ZNF385D: variants seen among roughly 807,000 people sequenced by gnomAD.
ZNF385D encodes zinc finger protein 659.
A neutral mutation model predicts 35.8 loss-of-function variants in ZNF385D; 15 were observed. The observed-to-expected ratio is 0.42, with a 90% confidence interval of 0.28 to 0.64. The LOEUF is 0.64. ZNF385D is among the 30% of genes least tolerant of loss of function. ZNF385D has a pLI of 0.23. For missense variants in ZNF385D, 474 were observed against 494.6 expected, an observed-to-expected ratio of 0.96 and a Z score of 0.39; for synonymous variants, 212 against 186.8, an observed-to-expected ratio of 1.13 and a Z score of -1.10.
chr3:21,948,935 C>T (rs1330519731), intron 3 of ZNF385D, among the ~76,000 whole-genome samples: 4 of 152,128 alleles, frequency 2.6e-5, no homozygotes, highest in African/African-American at 9.7e-5. Flanking sequence ...TTACCAATTA[C>T]ATTGACAAAT....
rs185972845 is a variant in ZNF385D, at chr3:21,881,917, A to C, written c.326-216889T>G. On this transcript the variant is annotated intron_variant, in intron 3 of 5. Coordinates refer to the ZNF385D transcript ENST00000494108. The stretch of plus-strand genomic sequence containing the variant: ...GCATATGTGATGGAAATAGTAAGAG[A>C]ACTAGAATTAGAAGTGGAGCCTAAA... Among the ~76,000 whole-genome samples, 5 of 152,160 alleles carry C rather than the reference A, an allele frequency of 3.3e-5. No individual in the cohort carries two copies. In the East Asian group the frequency reaches 9.7e-4, roughly 29 times the overall value.
chr3:22,179,216 A>G (rs1429941667), intron 2 of ZNF385D, among the ~76,000 whole-genome samples: 1 of 152,216 alleles, frequency 6.6e-6, no homozygotes. Context: ...CCTACCCATG[A>G]GCATGGAATG....
intron 3 of ZNF385D, among the ~76,000 whole-genome samples, chr3:21,994,482 C>G (rs1004974628): frequency 6.6e-6 from 1 of 151,966 alleles, no homozygotes; most frequent in Admixed American, 6.6e-5. Flanking sequence ...TCTATTGTAT[C>G]TCACTGAGCT....
chr3:22,351,979 A>C (rs980351068), intron 2 of ZNF385D, among the ~76,000 whole-genome samples: 11 of 152,100 alleles, frequency 7.2e-5, no homozygotes, highest in African/African-American at 2.7e-4. Flanking sequence ...CTTTTGTATC[A>C]TTACCTCATA....
chr3:22,264,160 T>C (rs1005811459), intron 2 of ZNF385D, among the ~76,000 whole-genome samples: 4 of 152,018 alleles, frequency 2.6e-5, no homozygotes, highest in Non-Finnish European at 4.4e-5. Flanking sequence ...GAGGCATATA[T>C]AAGATCAATT....
intron 3 of ZNF385D, among the ~76,000 whole-genome samples, chr3:21,820,435 C>A (rs952885765): frequency 6.6e-6 from 1 of 151,424 alleles, no homozygotes; most frequent in African/African-American, 2.4e-5. Context: ...TACTTCATAG[C>A]AATAGTTAAG....
intron 1 of ZNF385D, among the ~76,000 whole-genome samples, chr3:21,671,858 G>C (rs1015533792): frequency 6.6e-6 from 1 of 152,048 alleles, no homozygotes; most frequent in Non-Finnish European, 1.5e-5. Flanking sequence ...CCCCAGCATG[G>C]GAACATGCTG....
At chr3:21,898,624 G>C (rs767506521) in intron 3 of ZNF385D, among the ~76,000 whole-genome samples, 1 of 152,148 alleles carries the variant, frequency 6.6e-6, no homozygotes, top group Non-Finnish European at 1.5e-5. Context: ...GAATGTGTCA[G>C]TTAGGAAGCA....
intron 2 of ZNF385D, among the ~76,000 whole-genome samples, chr3:21,578,057 C>A (rs1303227469): frequency 6.6e-6 from 1 of 152,044 alleles, no homozygotes; most frequent in Non-Finnish European, 1.5e-5. Flanking sequence ...TCAAGTGATG[C>A]TCCTGGTCCC....
chr3:22,208,839 G>A (rs1033552013), intron 2 of ZNF385D, among the ~76,000 whole-genome samples: 4 of 151,970 alleles, frequency 2.6e-5, no homozygotes, highest in South Asian at 2.1e-4. Context: ...AAACTAAAGA[G>A]AGAATAGAAT....
At chr3:21,828,491 T>C (rs1694794802) in intron 3 of ZNF385D, among the ~76,000 whole-genome samples, 1 of 152,190 alleles carries the variant, frequency 6.6e-6, no homozygotes, top group African/African-American at 2.4e-5. Flanking sequence ...AATTGCAGTT[T>C]TACTCACCTA....
At chr3:22,144,689 G>T (rs976941328) in intron 3 of ZNF385D, among the ~76,000 whole-genome samples, 2 of 150,368 alleles carry the variant, frequency 1.3e-5, no homozygotes, top group Non-Finnish European at 3.0e-5. Context: ...AGTACATAGT[G>T]ATCAGCAGTA....
intron 2 of ZNF385D, among the ~76,000 whole-genome samples, chr3:21,635,270 C>T (rs1168249205): frequency 6.6e-6 from 1 of 151,966 alleles, no homozygotes; most frequent in Non-Finnish European, 1.5e-5. Context: ...AAAAACAAAA[C>T]AAAATGTATA....
intron 3 of ZNF385D, among the ~76,000 whole-genome samples, chr3:21,793,069 C>T (rs973556331): frequency 6.6e-6 from 1 of 152,126 alleles, no homozygotes; most frequent in East Asian, 1.9e-4. Context: ...ACCATAGTTT[C>T]TAAATGAGAT....
Position 22,211,088 on chromosome 3 carries a change from T to C in ZNF385D, c.107-42053A>G, listed in dbSNP as rs1375892800. ...AAACTCTTTTTATGGTACTTGTGCT[T>C]ACCCAGCTGAAGAACTGATTTAAGT... On this transcript the variant is annotated intron_variant, in intron 2 of 5. Coordinates refer to the ZNF385D transcript ENST00000494108. Among the ~76,000 whole-genome samples the C allele has an allele frequency of 2.6e-5, 4 of 151,934 alleles. No individual in the cohort carries two copies. In the East Asian group the frequency reaches 5.8e-4, roughly 22 times the overall value.
intron 3 of ZNF385D, among the ~76,000 whole-genome samples, chr3:21,840,210 AGTAT>A (rs1245225385): frequency 2.0e-5 from 3 of 152,066 alleles, no homozygotes; most frequent in Non-Finnish European, 4.4e-5. Flanking sequence ...ATTCAAAAGT[AGTAT>A]GTAAGTATTA....
chr3:21,425,541 T>C lies in ZNF385D; in HGVS notation c.803A>G (p.His268Arg). 6.2e-7 allele frequency: 1 copy of C among 1,611,772 alleles called. No individual in the cohort carries two copies. Among genetic ancestry groups the C allele is most frequent in the Non-Finnish European group, 8.5e-7 (1 of 1,178,922 alleles). ...GNTGLQNKTF[H>R]CEICDVHVNS... is the part of the protein sequence containing the mutation. ...GACGTGCACATCACAGATTTCACAG[T>C]GAAATGTTTTATTTTGGAGGCCTGT... The change falls in exon 6 of 8, where the codon CAC (histidine) becomes CGC (arginine). Residue 268 changes from histidine to arginine, a missense_variant. Physicochemically the swap from His to Arg is conservative, Grantham distance 29. Transcript: ENST00000281523.
intron 2 of ZNF385D, among the ~76,000 whole-genome samples, chr3:21,612,350 G>A (rs959032326): frequency 2.0e-5 from 3 of 151,990 alleles, no homozygotes; most frequent in Admixed American, 6.6e-5. Context: ...TGCCCACCTC[G>A]GCCTCCCAAA....
chr3:21,886,375 A>G (rs1006536620), intron 3 of ZNF385D, among the ~76,000 whole-genome samples: 3 of 104,194 alleles, frequency 2.9e-5, no homozygotes, highest in Non-Finnish European at 6.1e-5. Context: ...AAGAAAAAAA[A>G]AACTTTCTAC....
Sources: allele counts gnomAD v4.1 joint callset (sites outside exome capture counted in the v4.1 genomes callset), GRCh38; gene constraint gnomAD v4.1.1; transcripts MANE v1.5; gene names NCBI Gene and HGNC (gene_info 2026-07-23, HGNC 2026-07-21).